Variants in KCNIP3 observed in about 807,000 individuals in gnomAD.
KCNIP3 encodes the protein calsenilin.
In KCNIP3, 28 loss-of-function variants were observed where a neutral mutation model predicts 35.0. That is an observed-to-expected ratio of 0.80 (90% confidence interval 0.59 to 1.10). The LOEUF is 1.10. Among genes scored for constraint, KCNIP3 ranks in the 50% least tolerant of loss-of-function variants. The pLI is 0.00. For missense variants in KCNIP3, 295 were observed against 338.4 expected (o/e 0.87, Z 1.01); for synonymous variants, 134 against 133.8 (o/e 1.00, Z -0.01).
chr2:95,302,208 C>T (rs1182666030), intron 1 of KCNIP3, among the ~76,000 whole-genome samples: 1 of 152,180 alleles, frequency 6.6e-6, no homozygotes, highest in Non-Finnish European at 1.5e-5. Flanking sequence ...GGGAGCCCCA[C>T]ATCTGAGTAG....
At chr2:95,324,250 G>C (rs1467223139) in intron 2 of KCNIP3, among the ~76,000 whole-genome samples, 1 of 152,214 alleles carries the variant, frequency 6.6e-6, no homozygotes, top group African/African-American at 2.4e-5. Context: ...GGTGGCTCAC[G>C]CCTGTAATCC....
At chr2:95,383,177 G>A (rs1344522145) in intron 7 of KCNIP3, 55 bp from the exon 8 acceptor site, 1 of 1,551,004 alleles carries the variant, frequency 6.4e-7, no homozygotes, top group Non-Finnish European at 8.9e-7. Flanking sequence ...CAGGCCAGGG[G>A]CGGGGCTGTC....
intron 2 of KCNIP3, among the ~76,000 whole-genome samples, chr2:95,366,315 T>G (rs1438373841): frequency 6.6e-6 from 1 of 152,142 alleles, no homozygotes; most frequent in Non-Finnish European, 1.5e-5. Context: ...GCCTCTGGAG[T>G]CTGGACTCTT....
chr2:95,367,306 A>C (rs553768812), intron 2 of KCNIP3, among the ~76,000 whole-genome samples: 15 of 152,172 alleles, frequency 9.9e-5, no homozygotes, highest in African/African-American at 2.9e-4. Context: ...AAATAAAAAA[A>C]CCAATATCTT....
At chr2:95,330,961 G>A (rs1490748722) in intron 2 of KCNIP3, among the ~76,000 whole-genome samples, 1 of 152,232 alleles carries the variant, frequency 6.6e-6, no homozygotes, top group African/African-American at 2.4e-5. Context: ...AGGGAGGGGT[G>A]CCTAGGGCAG....
intron 2 of KCNIP3, chr2:95,310,861 G>A (rs901539212): frequency 5.5e-6 from 2 of 361,940 alleles, no homozygotes; most frequent in Admixed American, 8.7e-5. Flanking sequence ...GTAAGCCGGG[G>A]CACCTCATTG....
chr2:95,366,530 AT>A (rs1679921130), intron 2 of KCNIP3, among the ~76,000 whole-genome samples: 1 of 152,098 alleles, frequency 6.6e-6, no homozygotes, highest in South Asian at 2.1e-4. Flanking sequence ...CTTTCATTTC[AT>A]TTGGGTAAAT....
In KCNIP3 at chr2:95,382,640, C is replaced by T. The variant is rs1680378415; in HGVS notation, c.660+159C>T. On this transcript the variant is annotated intron_variant, in intron 7 of 8. Transcript: ENST00000295225. This position sits in a 1 kb window ranked among gnomAD's most constrained non-coding sequence, Gnocchi z 4.5. ...TCCAGTCTGGCTGGTTGTCAGAACC[C>T]CTGAGAAGTGAACTACACCACTGCT... Among the ~76,000 whole-genome samples, 2 of 152,166 alleles carry T rather than the reference C, an allele frequency of 1.3e-5. No homozygotes were observed. Among genetic ancestry groups the T allele is most frequent in the African/African-American group, 4.8e-5 (2 of 41,440 alleles).
At chr2:95,308,930 G>A (rs1374858014) in intron 1 of KCNIP3, among the ~76,000 whole-genome samples, 10 of 152,188 alleles carry the variant, frequency 6.6e-5, no homozygotes, top group Admixed American at 6.5e-4. Flanking sequence ...TTTCAGGACC[G>A]TGCAAAGGTA....
chr2:95,326,001 TCA>T (rs1558763930), intron 2 of KCNIP3, among the ~76,000 whole-genome samples: 1 of 133,552 alleles, frequency 7.5e-6, no homozygotes, highest in Non-Finnish European at 1.6e-5. Context: ...TCACACACAC[TCA>T]GACACACACA....
At chr2:95,320,516 C>T (rs1678567341) in intron 2 of KCNIP3, among the ~76,000 whole-genome samples, 1 of 152,088 alleles carries the variant, frequency 6.6e-6, no homozygotes, top group African/African-American at 2.4e-5. Flanking sequence ...ACCCCTCGGC[C>T]TGTCTCCCAG....
intron 2 of KCNIP3, 40 bp from the exon 3 acceptor site, chr2:95,374,256 G>T: frequency 6.2e-7 from 1 of 1,603,586 alleles, no homozygotes; most frequent in African/African-American, 1.3e-5. Flanking sequence ...GAGGAGCAGG[G>T]CTACAGGCCT....
At chr2:95,340,639 G>A (rs1199202810) in intron 2 of KCNIP3, among the ~76,000 whole-genome samples, 1 of 152,222 alleles carries the variant, frequency 6.6e-6, no homozygotes, top group Non-Finnish European at 1.5e-5. Context: ...TTCATGAGAA[G>A]TTTATGGGAA....
At position 95,384,168 on chromosome 2, in the gene KCNIP3, C is replaced by A. The variant is rs1680425122; in HGVS notation, c.*119C>A. The A allele has an allele frequency of 8.6e-5, 40 of 465,406 alleles. No individual in the cohort carries two copies. The highest frequency in any genetic ancestry group is 1.2e-4 in the Non-Finnish European group (30 of 252,364). The allele number at this position is 465,406 out of a possible 1,614,324, so 28.8% of individuals were successfully genotyped here. A position where few individuals can be genotyped will look rare whatever the true frequency, so the allele number is the denominator to read the frequency against. Reference sequence around the variant, plus strand: ...AGATTTGCAAAAAGTGAACAGATTGCTACACACACACACACACACACACAC... The same window carrying A: ...AGATTTGCAAAAAGTGAACAGATTGATACACACACACACACACACACACAC... On this transcript the variant is annotated 3_prime_UTR_variant, in exon 9 of 9. Coordinates refer to ENST00000295225, the MANE Select transcript of KCNIP3 (RefSeq NM_013434.5).
At chr2:95,340,058 C>T (rs1679155365) in intron 2 of KCNIP3, among the ~76,000 whole-genome samples, 1 of 152,226 alleles carries the variant, frequency 6.6e-6, no homozygotes, top group Admixed American at 6.5e-5. Context: ...CCGTCCCAGG[C>T]TGGGCACGGT....
chr2:95,321,651 G>A (rs1678601252), intron 2 of KCNIP3, among the ~76,000 whole-genome samples: 1 of 152,194 alleles, frequency 6.6e-6, no homozygotes, highest in Non-Finnish European at 1.5e-5. Flanking sequence ...GCTGATTTAA[G>A]AGAAACACGG....
chr2:95,347,356 A>G (rs376695653), intron 2 of KCNIP3, among the ~76,000 whole-genome samples: 4 of 152,278 alleles, frequency 2.6e-5, no homozygotes, highest in African/African-American at 9.6e-5. Context: ...GCCTGGTGAC[A>G]CCTTGAGCGG....
chr2:95,361,312 G>A (rs1188423982), intron 2 of KCNIP3, among the ~76,000 whole-genome samples: 1 of 152,062 alleles, frequency 6.6e-6, no homozygotes, highest in Non-Finnish European at 1.5e-5. Context: ...CCCCATCCTG[G>A]TCAAGTCAGC....
At chr2:95,306,878 T>A (rs1164253003) in intron 1 of KCNIP3, among the ~76,000 whole-genome samples, 6 of 152,202 alleles carry the variant, frequency 3.9e-5, no homozygotes, top group Non-Finnish European at 8.8e-5. Flanking sequence ...CCTGGGCTGC[T>A]ATTTAACATT....
Sources: gnomAD v4.1 joint callset for allele counts (sites outside exome capture counted in the v4.1 genomes callset) on GRCh38, gnomAD v4.1.1 for gene constraint, Gnocchi (gnomAD v3.1) non-coding constraint, MANE v1.5 for transcripts, NCBI Gene and HGNC (gene_info 2026-07-23, HGNC 2026-07-21) for gene names.